Variants in GPHN observed in about 807,000 individuals in gnomAD.
GPHN encodes gephyrin.
A neutral mutation model predicts 95.5 loss-of-function variants in GPHN; 17 were observed. That is an observed-to-expected ratio of 0.18 (90% CI 0.12 to 0.27). The LOEUF (loss-of-function observed/expected upper bound fraction) is 0.27, where lower values mean the gene tolerates loss of function less well. Ranked by LOEUF, GPHN falls within the 10% of genes least tolerant of loss-of-function variation. The pLI is 1.00. For synonymous variants in GPHN, 320 were observed against 322.5 expected, an observed-to-expected ratio of 0.99 and a Z score of 0.08; for missense variants, 660 against 978.1, an observed-to-expected ratio of 0.67 and a Z score of 4.34.
At chr14:67,467,424 G>A in the GPHN span, 1 of 152,110 alleles carries the variant, frequency 6.6e-6, no homozygotes, top group African/African-American at 2.4e-5. Context: ...GGATGAAAGA[G>A]AAAAGGCCCA....
chr14:67,279,181 C>A, the GPHN span: 2 of 1,587,768 alleles, frequency 1.3e-6, no homozygotes, highest in Admixed American at 1.8e-5. Flanking sequence ...ATGACAACAT[C>A]CCATATGAAT....
chr14:66,681,788 T>G (rs1407473749), intron 2 of GPHN, among the ~76,000 whole-genome samples: 1 of 152,142 alleles, frequency 6.6e-6, no homozygotes, highest in African/African-American at 2.4e-5. Context: ...CACTTTTATA[T>G]TTACTGGTAA....
At chr14:67,240,565 G>A in the GPHN span, among the ~76,000 whole-genome samples, 2 of 152,210 alleles carry the variant, frequency 1.3e-5, no homozygotes, top group Non-Finnish European at 2.9e-5. Flanking sequence ...TTGCTCGGAA[G>A]GTACTGTCAA....
chr14:66,788,054 G>T (rs1195730673), intron 3 of GPHN, among the ~76,000 whole-genome samples: 3 of 152,166 alleles, frequency 2.0e-5, no homozygotes, highest in African/African-American at 7.2e-5. Flanking sequence ...TGCAGGCCGG[G>T]TGCAGTGGCA....
chr14:67,619,974 GA>G, the GPHN span: 1 of 1,585,968 alleles, frequency 6.3e-7, no homozygotes, highest in Non-Finnish European at 8.6e-7. Flanking sequence ...CAGTGCTGCG[GA>G]TCATGTCCCT....
At chr14:67,486,353 C>A in the GPHN span, among the ~76,000 whole-genome samples, 1 of 152,264 alleles carries the variant, frequency 6.6e-6, no homozygotes, top group Admixed American at 6.5e-5. Flanking sequence ...TGGCTCACTG[C>A]AACCTCTGCC....
chr14:67,299,653 G>T, the GPHN span, among the ~76,000 whole-genome samples: 3 of 152,200 alleles, frequency 2.0e-5, no homozygotes, highest in Non-Finnish European at 2.9e-5. Flanking sequence ...TAACACCGTT[G>T]TAGAAGTAGC....
At chr14:67,003,936 G>A (rs946627656) in intron 9 of GPHN, among the ~76,000 whole-genome samples, 5 of 123,994 alleles carry the variant, frequency 4.0e-5, no homozygotes, top group Non-Finnish European at 6.1e-5. Context: ...TTCTACTGCC[G>A]GGTCTGTGTC....
At chr14:67,229,243 T>C in the GPHN span, among the ~76,000 whole-genome samples, 2 of 152,222 alleles carry the variant, frequency 1.3e-5, no homozygotes, top group East Asian at 3.8e-4. Flanking sequence ...AAATTCAGAA[T>C]AAGGGTAGTT....
intron 11 of GPHN, among the ~76,000 whole-genome samples, chr14:67,073,244 A>G (rs74056482): frequency 6.6e-4 from 100 of 152,268 alleles, no homozygotes; most frequent in African/African-American, 2.3e-3. Flanking sequence ...TAAATTATTC[A>G]GACTACAGAG....
intron 2 of GPHN, among the ~76,000 whole-genome samples, chr14:66,725,209 T>A (rs941391372): frequency 2.0e-5 from 3 of 152,176 alleles, no homozygotes; most frequent in Non-Finnish European, 4.4e-5. Flanking sequence ...ATTGGACTTT[T>A]GTTATGTAAT....
chr14:67,419,554 G>T, the GPHN span, among the ~76,000 whole-genome samples: 7 of 152,190 alleles, frequency 4.6e-5, no homozygotes, highest in Admixed American at 6.5e-5. Context: ...AAGCAGGGGG[G>T]TTCTCATCTC....
chr14:66,758,589 A>AAG (rs1566912391), intron 2 of GPHN, among the ~76,000 whole-genome samples: 1 of 152,076 alleles, frequency 6.6e-6, no homozygotes, highest in Admixed American at 6.6e-5. Flanking sequence ...AAAATGAAAA[A>AAG]AGGGGGTAAG....
At chr14:66,704,054 G>T (rs2068827432) in intron 2 of GPHN, among the ~76,000 whole-genome samples, 1 of 150,382 alleles carries the variant, frequency 6.6e-6, no homozygotes, top group Non-Finnish European at 1.5e-5. Context: ...AACCAACAAA[G>T]ATCAAAAAAA....
the GPHN span, chr14:67,395,651 G>T: frequency 7.6e-6 from 11 of 1,450,550 alleles, no homozygotes; most frequent in African/African-American, 2.8e-5. Context: ...CAGCAAAAAT[G>T]ACGGGGCCCC....
At chr14:67,010,332 C>T (rs1476319840) in intron 9 of GPHN, among the ~76,000 whole-genome samples, 1 of 151,210 alleles carries the variant, frequency 6.6e-6, no homozygotes, top group Non-Finnish European at 1.5e-5. Context: ...GGGCGGATCA[C>T]GAGGTCAGGA....
the GPHN span, chr14:67,557,213 A>G: frequency 6.6e-7 from 1 of 1,517,462 alleles, no homozygotes; most frequent in Non-Finnish European, 9.1e-7. Context: ...GTTACTGGCC[A>G]CTGCACACCC....
intron 21 of GPHN, among the ~76,000 whole-genome samples, chr14:67,170,980 A>C (rs1436690895): frequency 1.3e-5 from 2 of 152,188 alleles, no homozygotes; most frequent in Non-Finnish European, 2.9e-5. Context: ...AGGAAGTGGG[A>C]GTCAGTGTTA....
At chr14:66,801,801 G>A (rs543298847) in intron 3 of GPHN, among the ~76,000 whole-genome samples, 21 of 124,588 alleles carry the variant, frequency 1.7e-4, no homozygotes, top group Middle Eastern at 5.8e-3. Flanking sequence ...GCCCGCTCCC[G>A]CTCCCGCTCC....
Sources: gnomAD v4.1 joint callset for allele counts (sites outside exome capture counted in the v4.1 genomes callset) on GRCh38, gnomAD v4.1.1 for gene constraint, MANE v1.5 for transcripts, NCBI Gene and HGNC (gene_info 2026-07-23, HGNC 2026-07-21) for gene names.